SRRM4: variants seen among roughly 807,000 people sequenced by gnomAD.
SRRM4 encodes serine/arginine repetitive matrix protein 4.
In SRRM4, 33 loss-of-function variants were observed where a neutral mutation model predicts 68.9. The ratio of observed to expected loss-of-function variants is 0.48; its 90% CI spans 0.36 to 0.64. SRRM4 has a LOEUF of 0.64. Among genes scored for constraint, SRRM4 ranks in the 30% least tolerant of loss-of-function variants. The probability of loss-of-function intolerance (pLI) is 0.00; values close to 1 mark genes in which losing one functional copy is unlikely to be tolerated. For synonymous variants in SRRM4, 318 were observed against 318.8 expected, an observed-to-expected ratio of 1.00 and a Z score of 0.03; for missense variants, 817 against 827.1, an observed-to-expected ratio of 0.99 and a Z score of 0.15.
At position 119,159,835 on chromosome 12, in the gene SRRM4, T is replaced by C. The variant is rs974229650; in HGVS notation, c.*3037T>C. 2 of 151,680 alleles carry C rather than the reference T, an allele frequency of 1.3e-5. No homozygotes were observed. The highest frequency in any genetic ancestry group is 4.9e-5 in the African/African-American group (2 of 41,236). 9.4% of individuals were successfully genotyped at this position (151,680 alleles called of 1,614,324 possible). A position where few individuals can be genotyped will look rare whatever the true frequency, so the allele number is the denominator to read the frequency against. ...AAAGCAAAAGCTTTTATCTATGATC[T>C]CTTGCTGTTTCATCAGGGGAAAGCA... is the stretch of plus-strand genomic sequence containing the variant. On this transcript the variant is annotated 3_prime_UTR_variant, in exon 13 of 13. Coordinates refer to ENST00000267260, the MANE Select transcript of SRRM4 (RefSeq NM_194286.4).
At position 119,113,192 on chromosome 12, in the gene SRRM4, C is replaced by CTT. The variant is rs543291331; in HGVS notation, c.279-1084_279-1083dup. On this transcript the variant is annotated intron_variant, in intron 2 of 12. Transcript: ENST00000267260. The stretch of plus-strand genomic sequence containing the variant: ...CATATATTCTAACCATTTTATCATT[C>CTT]TTTCTACTAACCACAATGATCCAGA... 8.6e-4 allele frequency among the ~76,000 whole-genome samples: 131 copies of CTT among 152,242 alleles called. 1 individual carries two copies. Among genetic ancestry groups the CTT allele is most frequent in the Middle Eastern group, 3.4e-3 (1 of 294 alleles).
chr12:119,152,921 G>A (rs1451395476), intron 10 of SRRM4, among the ~76,000 whole-genome samples: 1 of 152,292 alleles, frequency 6.6e-6, no homozygotes, highest in Non-Finnish European at 1.5e-5. Flanking sequence ...CCAAACAGAC[G>A]TGAATTAAAT....
chr12:119,061,445 G>A (rs7302780), intron 1 of SRRM4, among the ~76,000 whole-genome samples: 134,228 of 152,166 alleles, frequency 0.88, 59,581 homozygotes, highest in Middle Eastern at 0.95. Context: ...ACAGGCTGCA[G>A]TGAATCCAAC....
At chr12:119,093,166 T>C (rs1006967250) in intron 1 of SRRM4, among the ~76,000 whole-genome samples, 10 of 152,336 alleles carry the variant, frequency 6.6e-5, no homozygotes, top group African/African-American at 1.9e-4. Flanking sequence ...TATTACCTTC[T>C]AATATTTACC....
chr12:119,043,403 G>A (rs528904403), intron 1 of SRRM4, among the ~76,000 whole-genome samples: 10 of 152,126 alleles, frequency 6.6e-5, no homozygotes, highest in African/African-American at 2.4e-4. Context: ...TGTTGGGGAG[G>A]GGGAGGGAGA....
intron 2 of SRRM4, among the ~76,000 whole-genome samples, chr12:119,112,853 T>C (rs1954153244): frequency 6.6e-6 from 1 of 152,128 alleles, no homozygotes; most frequent in African/African-American, 2.4e-5. Context: ...AAATGCATGC[T>C]GGGCTTAATA....
intron 1 of SRRM4, among the ~76,000 whole-genome samples, chr12:119,027,340 T>C (rs138891685): frequency 2.0e-4 from 31 of 152,322 alleles, no homozygotes; most frequent in African/African-American, 6.7e-4. Context: ...AGAAATGGAA[T>C]CTTAAAGTCA....
Position 119,114,364 on chromosome 12 carries a change from G to A in SRRM4, c.365G>A (p.Arg122Lys). The change falls in exon 3 of 13, where the codon AGG becomes AAG. Residue 122 changes from arginine to lysine, a missense_variant and splice_region_variant. By Grantham distance (26) the Arg-to-Lys change is conservative (BLOSUM62 2). Coordinates refer to ENST00000267260, the MANE Select transcript of SRRM4 (RefSeq NM_194286.4). Reference sequence around the variant, plus strand: ...AAATCCACTCGGAAGAAGAGAAGGAGGTAAGAGCACCAAGAGGGAGATAAA... The same window carrying A: ...AAATCCACTCGGAAGAAGAGAAGGAAGTAAGAGCACCAAGAGGGAGATAAA... ...KKKSTRKKRRRSSSYSPSPVK... is the reference protein window; with the variant it reads ...KKKSTRKKRRKSSSYSPSPVK... The A allele has an allele frequency of 1.2e-6, 2 of 1,603,702 alleles. No homozygotes were observed. The highest frequency in any genetic ancestry group is 8.5e-7 in the Non-Finnish European group (1 of 1,174,746).
intron 2 of SRRM4, among the ~76,000 whole-genome samples, chr12:119,111,718 G>A (rs1954144738): frequency 6.6e-6 from 1 of 152,040 alleles, no homozygotes; most frequent in South Asian, 2.1e-4. Context: ...ATATTGATTA[G>A]GCTTTTGCCC....
chr12:119,059,511 A>G (rs1466566748), intron 1 of SRRM4, among the ~76,000 whole-genome samples: 1 of 152,166 alleles, frequency 6.6e-6, no homozygotes, highest in Non-Finnish European at 1.5e-5. Context: ...AGAGAGGAGC[A>G]GTGCATGTGT....
chr12:119,071,779 G>A (rs552483890), intron 1 of SRRM4, among the ~76,000 whole-genome samples: 6 of 152,258 alleles, frequency 3.9e-5, no homozygotes, highest in Admixed American at 2.0e-4. Flanking sequence ...CATGCCGCAC[G>A]CCGTTGTCAC....
At position 119,159,882 on chromosome 12, in the gene SRRM4, G is replaced by GAA. The variant is rs11305482; in HGVS notation, c.*3097_*3098dup. ...AGCACAAAGCTATTTCTGAAATTAGGAAAAAAAAAAAAAAGGTGGAAGGAG... is the reference window on the plus strand; with the variant it reads ...AGCACAAAGCTATTTCTGAAATTAGGAAAAAAAAAAAAAAAAGGTGGAAGGAG... On this transcript the variant is annotated 3_prime_UTR_variant, in exon 13 of 13. Transcript: ENST00000267260. The GAA allele has an allele frequency of 5.1e-5, 7 of 138,278 alleles. No individual in the cohort carries two copies. The highest frequency in any genetic ancestry group is 7.8e-5 in the African/African-American group (3 of 38,290). The allele number at this position is 138,278 out of a possible 1,614,324, so 8.6% of individuals were successfully genotyped here. A position where few individuals can be genotyped will look rare whatever the true frequency, so the allele number is the denominator to read the frequency against.
chr12:118,998,722 C>T (rs190816075), intron 1 of SRRM4, among the ~76,000 whole-genome samples: 178 of 152,330 alleles, frequency 1.2e-3, no homozygotes, highest in Non-Finnish European at 2.1e-3. Context: ...CTGTGAAATA[C>T]ATAAACAATT....
chr12:119,145,395 G>T lies in SRRM4; in HGVS notation c.786G>T (p.Gly262=), dbSNP rs1227645095. 6.9e-6 allele frequency: 11 copies of T among 1,603,810 alleles called. No homozygotes were observed. The highest frequency in any genetic ancestry group is 9.4e-6 in the Non-Finnish European group (11 of 1,174,968). The change falls in exon 9 of 13, where the codon GGG becomes GGT. Residue 262 remains glycine (G), a synonymous_variant. Transcript: ENST00000267260. ...TTTGCTTTCAGATCACTGGGTCGGG[G>T]TCTGCTGCTGACCTCTTTACCAAAA... ...LSARGVITGS[G]SAADLFTKTA...
In SRRM4 at chr12:119,108,841, T is replaced by C. The variant is rs528440618; in HGVS notation, c.279-5437T>C. Among the ~76,000 whole-genome samples, 11 of 152,334 alleles carry C rather than the reference T, an allele frequency of 7.2e-5. No homozygotes were observed. In the East Asian group the frequency reaches 2.1e-3, roughly 29 times the overall value. Reference sequence around the variant, plus strand: ...TTACATTTTAAGGTTAATATTGTTATGTGTGAATTTGATCCTGTCATTATG... The same window carrying C: ...TTACATTTTAAGGTTAATATTGTTACGTGTGAATTTGATCCTGTCATTATG... On this transcript the variant is annotated intron_variant, in intron 2 of 12. Coordinates refer to ENST00000267260, the MANE Select transcript of SRRM4 (RefSeq NM_194286.4).
Position 119,070,750 on chromosome 12 carries a change from G to A in SRRM4, c.132-31486G>A, listed in dbSNP as rs187110740. On this transcript the variant is annotated intron_variant, in intron 1 of 12. Coordinates refer to ENST00000267260, the MANE Select transcript of SRRM4 (RefSeq NM_194286.4). ...CTTTCATATCTATTCAGTTCATCCC[G>A]TTTTATGGTCCAAAGTCCACTGTTC... Among the ~76,000 whole-genome samples the A allele has an allele frequency of 9.7e-4, 148 of 152,296 alleles. 1 individual carries two copies. The highest frequency in any genetic ancestry group is 3.3e-3 in the African/African-American group (136 of 41,566).
In SRRM4 at chr12:119,154,510, C is replaced by G. The variant is rs1411720475; in HGVS notation, c.1532+127C>G. The G allele has an allele frequency of 9.9e-7, 1 of 1,006,946 alleles. No homozygotes were observed. Among genetic ancestry groups the G allele is most frequent in the Non-Finnish European group, 1.4e-6 (1 of 690,370 alleles). 62.4% of individuals were successfully genotyped at this position (1,006,946 alleles called of 1,614,324 possible). On this transcript the variant is annotated intron_variant, in intron 12 of 12. Transcript: ENST00000267260. The surrounding 1 kb of genome is among the most constrained non-coding windows in gnomAD (Gnocchi z 4.7). ...ATTTAGGATTGTGCGAGCTTATGGT[C>G]CCCCCAACCCCAACATCATTGAAAT...
intron 1 of SRRM4, among the ~76,000 whole-genome samples, chr12:119,023,959 T>C (rs1468366990): frequency 2.0e-5 from 3 of 152,272 alleles, no homozygotes; most frequent in Non-Finnish European, 4.4e-5. Flanking sequence ...AGACTTTCTC[T>C]TCTTGCAGAT....
chr12:119,148,134 CT>C (rs1337832043), intron 9 of SRRM4, among the ~76,000 whole-genome samples: 8 of 152,330 alleles, frequency 5.3e-5, no homozygotes, highest in African/African-American at 1.2e-4. Context: ...GGGAGTTTGC[CT>C]TTGTTCCATA....
Sources: gnomAD v4.1 joint callset for allele counts (sites outside exome capture counted in the v4.1 genomes callset) on GRCh38, gnomAD v4.1.1 for gene constraint, Gnocchi (gnomAD v3.1) non-coding constraint, MANE v1.5 for transcripts, NCBI Gene and HGNC (gene_info 2026-07-23, HGNC 2026-07-21) for gene names.